The following MSRA variants were observed in gnomAD, a reference collection of about 807,000 sequenced individuals.
The protein encoded by MSRA is mitochondrial peptide methionine sulfoxide reductase.
Under a neutral mutation model 31.3 loss-of-function variants are expected in MSRA, and 54 were observed. The ratio of observed to expected loss-of-function variants is 1.73; its 90% CI spans 1.39 to 2.17. The LOEUF is 2.17. MSRA is among the 30% of genes most tolerant of loss of function. The pLI, the probability that MSRA is intolerant of heterozygous loss-of-function variation, is 0.00. For synonymous variants in MSRA, 169 were observed against 116.5 expected (o/e 1.45, Z -2.90); for missense variants, 507 against 300.9 (o/e 1.69, Z -5.07).
intron 5 of MSRA, among the ~76,000 whole-genome samples, chr8:10,371,123 C>G (rs10503407): frequency 0.13 from 20,332 of 152,108 alleles, 1,560 homozygotes; most frequent in East Asian, 0.32. Context: ...CTCTCAGTGT[C>G]ATGATAGATG....
intron 5 of MSRA, among the ~76,000 whole-genome samples, chr8:10,335,385 C>T (rs887154588): frequency 2.0e-5 from 3 of 151,904 alleles, no homozygotes; most frequent in South Asian, 2.1e-4. Context: ...GGCCATGCCC[C>T]GTGGCTCCAA....
intron 1 of MSRA, among the ~76,000 whole-genome samples, chr8:10,160,305 C>G (rs1416777055): frequency 6.6e-6 from 1 of 152,030 alleles, no homozygotes; most frequent in African/African-American, 2.4e-5. Context: ...ACCATCCTGG[C>G]TAACACAGTT....
At chr8:10,371,392 G>GT (rs1805467221) in intron 5 of MSRA, among the ~76,000 whole-genome samples, 1 of 152,078 alleles carries the variant, frequency 6.6e-6, no homozygotes, top group Non-Finnish European at 1.5e-5. Flanking sequence ...GCCTCGTTCC[G>GT]TAGCTTCCCT....
At chr8:10,196,836 T>A (rs1469635787) in intron 1 of MSRA, among the ~76,000 whole-genome samples, 1 of 152,148 alleles carries the variant, frequency 6.6e-6, no homozygotes, top group East Asian at 1.9e-4. Context: ...CCTCCCAAAG[T>A]GCTGGGATTA....
At chr8:10,248,437 G>A (rs1170430914) in intron 3 of MSRA, among the ~76,000 whole-genome samples, 5 of 152,094 alleles carry the variant, frequency 3.3e-5, no homozygotes, top group Non-Finnish European at 1.5e-5. Flanking sequence ...ATGTGATGAC[G>A]CACATCAGAG....
intron 3 of MSRA, among the ~76,000 whole-genome samples, chr8:10,248,221 G>A (rs1332701455): frequency 7.9e-5 from 12 of 152,170 alleles, no homozygotes; most frequent in East Asian, 1.9e-4. Context: ...ATCACAATCC[G>A]TGAATATTTT....
At chr8:10,133,345 G>A (rs1035461020) in intron 1 of MSRA, among the ~76,000 whole-genome samples, 3 of 152,142 alleles carry the variant, frequency 2.0e-5, no homozygotes, top group Non-Finnish European at 4.4e-5. Context: ...CAGTCCGTGG[G>A]GTGCTCTGCC....
At chr8:10,319,649 A>G (rs539351406) in intron 4 of MSRA, among the ~76,000 whole-genome samples, 1 of 151,782 alleles carries the variant, frequency 6.6e-6, no homozygotes, top group South Asian at 2.1e-4. Context: ...CCTGTGATAA[A>G]TCTACCTGAG....
intron 1 of MSRA, among the ~76,000 whole-genome samples, chr8:10,116,360 C>A (rs750676349): frequency 9.9e-5 from 15 of 152,154 alleles, no homozygotes; most frequent in African/African-American, 3.6e-4. Flanking sequence ...AGATTGGACA[C>A]CCCCTGGACT....
At chr8:10,298,997 T>C (rs1269053255) in intron 3 of MSRA, among the ~76,000 whole-genome samples, 1 of 152,188 alleles carries the variant, frequency 6.6e-6, no homozygotes, top group Admixed American at 6.5e-5. Context: ...GATTTAGTGA[T>C]TTTACCCTGT....
chr8:10,121,265 C>T (rs547100456), intron 1 of MSRA, among the ~76,000 whole-genome samples: 10 of 152,254 alleles, frequency 6.6e-5, no homozygotes, highest in African/African-American at 2.2e-4. Context: ...GTGAAGACAG[C>T]TTGAAATAGA....
intron 3 of MSRA, among the ~76,000 whole-genome samples, chr8:10,256,144 C>A (rs992258373): frequency 2.0e-5 from 3 of 152,172 alleles, no homozygotes; most frequent in African/African-American, 7.2e-5. Flanking sequence ...CCTCCCCCCC[C>A]AACCCCTGGC....
intron 3 of MSRA, among the ~76,000 whole-genome samples, chr8:10,262,258 G>A (rs1001188858): frequency 3.3e-5 from 5 of 152,212 alleles, no homozygotes; most frequent in African/African-American, 1.2e-4. Flanking sequence ...TGTGATTGCT[G>A]GATCATGTGG....
At chr8:10,266,392 A>C (rs746291371) in intron 3 of MSRA, among the ~76,000 whole-genome samples, 4 of 152,178 alleles carry the variant, frequency 2.6e-5, no homozygotes, top group Non-Finnish European at 4.4e-5. Flanking sequence ...TATGTCTTTC[A>C]TAAATTGTCT....
intron 1 of MSRA, among the ~76,000 whole-genome samples, chr8:10,180,473 C>T (rs1355937546): frequency 6.6e-6 from 1 of 152,162 alleles, no homozygotes; most frequent in Non-Finnish European, 1.5e-5. Context: ...CCTCTTCCCT[C>T]CTCAGAGGTT....
intron 5 of MSRA, among the ~76,000 whole-genome samples, chr8:10,350,877 C>T (rs191192718): frequency 6.6e-6 from 1 of 152,362 alleles, no homozygotes; most frequent in East Asian, 1.9e-4. Flanking sequence ...AGTCAGCTGT[C>T]AGGGAGGGGA....
rs942585172 is a variant in MSRA, at chr8:10,151,272, A to T, written c.143-56561A>T. Among the ~76,000 whole-genome samples the T allele has an allele frequency of 6.5e-4, 97 of 149,280 alleles. 1 individual carries two copies. Among genetic ancestry groups the T allele is most frequent in the East Asian group, 2.0e-3 (10 of 4,972 alleles). ...GCGAGAGTCTGTCTCAAAAAAAAAA[A>T]AAAAAAAAAAAAAAAATAAGGGCTT... On this transcript the variant is annotated intron_variant, in intron 1 of 5. Transcript: ENST00000317173.
At chr8:10,180,195 G>C (rs1262975986) in intron 1 of MSRA, among the ~76,000 whole-genome samples, 2 of 152,236 alleles carry the variant, frequency 1.3e-5, no homozygotes, top group East Asian at 3.9e-4. Flanking sequence ...CCTTAGGTTT[G>C]ATAATTTGCT....
chr8:10,154,536 C>G (rs1022675714), intron 1 of MSRA, among the ~76,000 whole-genome samples: 1 of 152,032 alleles, frequency 6.6e-6, no homozygotes, highest in Non-Finnish European at 1.5e-5. Context: ...CGCCACCACG[C>G]CCAACTAATT....
Sources: allele counts gnomAD v4.1 joint callset (sites outside exome capture counted in the v4.1 genomes callset), GRCh38; gene constraint gnomAD v4.1.1; transcripts MANE v1.5; gene names NCBI Gene and HGNC (gene_info 2026-07-23, HGNC 2026-07-21).